MGST1: variants seen among roughly 807,000 people sequenced by gnomAD.
MGST1 encodes the protein glutathione S-transferase 12.
Under a neutral mutation model 8.9 loss-of-function variants are expected in MGST1, and 5 were observed. The observed-to-expected ratio is 0.56, with a 90% CI of 0.29 to 1.19. The LOEUF is 1.19. MGST1 is among the 50% of genes most tolerant of loss of function. The probability of loss-of-function intolerance (pLI) is 0.08; values close to 1 mark genes in which losing one functional copy is unlikely to be tolerated. For synonymous variants in MGST1, 54 were observed against 67.8 expected (o/e 0.80, Z 1.00); for missense variants, 182 against 187.4 (o/e 0.97, Z 0.17).
chr12:16,480,181 C>T (rs1941355476), intron 4 of MGST1, among the ~76,000 whole-genome samples: 1 of 140,070 alleles, frequency 7.1e-6, no homozygotes, highest in Non-Finnish European at 1.5e-5. Context: ...CTCACCCTAT[C>T]ACCCAGGCTG....
rs1360656354 is a variant in MGST1 at position 16,546,499 on chromosome 12, G to A, written n.483-43029G>A. On this transcript the variant is annotated intron_variant and non_coding_transcript_variant, in intron 4 of 4. Coordinates refer to the MGST1 transcript ENST00000538857. This position sits in a 1 kb window ranked among gnomAD's most constrained non-coding sequence, Gnocchi z 4.7. Reference sequence around the variant, plus strand: ...CAAACACAAAACCTAGTTGATCCAAGATGATTTGGTCTTTATAATTTTGTG... The same window carrying A: ...CAAACACAAAACCTAGTTGATCCAAAATGATTTGGTCTTTATAATTTTGTG... Among the ~76,000 whole-genome samples, 1 of 152,108 alleles carries A rather than the reference G, an allele frequency of 6.6e-6. No homozygotes were observed. Among genetic ancestry groups the A allele is most frequent in the Non-Finnish European group, 1.5e-5 (1 of 67,996 alleles).
chr12:16,560,850 T>C lies in MGST1; in HGVS notation n.483-28678T>C, dbSNP rs1042080345. ...TAGCAAAAATCTCTGGGTTAGAGTA[T>C]ATAGAAAATATAAAAGCAATATAAC... On this transcript the variant is annotated intron_variant and non_coding_transcript_variant, in intron 4 of 4. Coordinates refer to the MGST1 transcript ENST00000538857. The surrounding 1 kb of genome is among the most constrained non-coding windows in gnomAD (Gnocchi z 5.0). 2.7e-5 allele frequency: 9 copies of C among 335,766 alleles called. No homozygotes were observed. The highest frequency in any genetic ancestry group is 1.3e-4 in the African/African-American group (6 of 46,056). The allele number at this position is 335,766 out of a possible 1,614,324, so 20.8% of individuals were successfully genotyped here.
chr12:16,572,224 G>A (rs1046649590), intron 4 of MGST1, among the ~76,000 whole-genome samples: 20 of 151,448 alleles, frequency 1.3e-4, no homozygotes, highest in African/African-American at 4.6e-4. Context: ...GTACTTTTAC[G>A]TAGTAAAGCT....
At chr12:16,520,376 A>G (rs1055875105) in intron 4 of MGST1, among the ~76,000 whole-genome samples, 5 of 152,226 alleles carry the variant, frequency 3.3e-5, no homozygotes, top group African/African-American at 1.2e-4. Flanking sequence ...ATCGGGAAGG[A>G]AAGATTAGTA....
chr12:16,418,459 GA>G (rs1940804626), intron 1 of MGST1, among the ~76,000 whole-genome samples: 1 of 152,160 alleles, frequency 6.6e-6, no homozygotes. Flanking sequence ...TATATCAGCA[GA>G]AGATTTGGGT....
At chr12:16,507,168 A>C (rs1941543334) in intron 4 of MGST1, among the ~76,000 whole-genome samples, 1 of 152,176 alleles carries the variant, frequency 6.6e-6, no homozygotes, top group South Asian at 2.1e-4. Context: ...AGAGGTAAGG[A>C]CATTCTACAT....
rs1407168069 is a variant in MGST1, at chr12:16,362,808, A to T, written c.222-987A>T. The T allele has an allele frequency of 6.6e-6, 1 of 152,204 alleles. No individual in the cohort carries two copies. Among genetic ancestry groups the T allele is most frequent in the Non-Finnish European group, 1.5e-5 (1 of 68,130 alleles). The allele number at this position is 152,204 out of a possible 1,614,324, so 9.4% of individuals were successfully genotyped here. A position where few individuals can be genotyped will look rare whatever the true frequency, so the allele number is the denominator to read the frequency against. ...AAAAAGAAAATTTAAAAAATTAGCC[A>T]GGCATGGTGGTGAGGCCTGTAGTCC... On this transcript the variant is annotated intron_variant, in intron 3 of 3. Coordinates refer to ENST00000396210, the MANE Select transcript of MGST1 (RefSeq NM_020300.5). The surrounding 1 kb of genome is among the most constrained non-coding windows in gnomAD (Gnocchi z 4.4).
chr12:16,498,810 C>G (rs1397533818), intron 4 of MGST1, among the ~76,000 whole-genome samples: 1 of 152,120 alleles, frequency 6.6e-6, no homozygotes, highest in African/African-American at 2.4e-5. Context: ...AAGCCAAAAT[C>G]TCTAAAAACT....
At chr12:16,449,567 A>G (rs1021745925) in intron 4 of MGST1, among the ~76,000 whole-genome samples, 13 of 151,912 alleles carry the variant, frequency 8.6e-5, no homozygotes, top group African/African-American at 2.9e-4. Flanking sequence ...AGAAAAATCC[A>G]TGGCCATCTG....
Position 16,361,308 on chromosome 12 carries a change from A to G in MGST1, c.222-2487A>G, listed in dbSNP as rs1591701727. ...AGCAATGGCAGTCCAGGTCAGGTGGATGCTGGGATCCAAGTAATTCTGATC... is the reference window on the plus strand; with the variant it reads ...AGCAATGGCAGTCCAGGTCAGGTGGGTGCTGGGATCCAAGTAATTCTGATC... On this transcript the variant is annotated intron_variant, in intron 3 of 3. Transcript: ENST00000396210. The surrounding 1 kb of genome is among the most constrained non-coding windows in gnomAD (Gnocchi z 4.2). Among the ~76,000 whole-genome samples, 4 of 152,162 alleles carry G rather than the reference A, an allele frequency of 2.6e-5. No homozygotes were observed. In the East Asian group the frequency reaches 7.7e-4, roughly 29 times the overall value.
rs936178355 is a variant in MGST1 at position 16,584,555 on chromosome 12, G to A, written n.483-4973G>A. 1.3e-5 allele frequency among the ~76,000 whole-genome samples: 2 copies of A among 151,938 alleles called. No homozygotes were observed. Among genetic ancestry groups the A allele is most frequent in the African/African-American group, 4.8e-5 (2 of 41,276 alleles). On this transcript the variant is annotated intron_variant and non_coding_transcript_variant, in intron 4 of 4. Coordinates refer to the MGST1 transcript ENST00000538857. This position sits in a 1 kb window ranked among gnomAD's most constrained non-coding sequence, Gnocchi z 5.2. ...GAGGAAAGGAATGGAAACAAGAGAC[G>A]TTTTAGATTAACATTGGCAAGTGGA...
At chr12:16,564,078 T>G (rs947249070) in intron 4 of MGST1, among the ~76,000 whole-genome samples, 2 of 152,220 alleles carry the variant, frequency 1.3e-5, no homozygotes, top group African/African-American at 2.4e-5. Context: ...TATTAATATC[T>G]GTAGAAATCC....
At chr12:16,501,630 C>T (rs1241968954) in intron 4 of MGST1, among the ~76,000 whole-genome samples, 1 of 152,256 alleles carries the variant, frequency 6.6e-6, no homozygotes, top group Admixed American at 6.5e-5. Flanking sequence ...TAGGAAATTT[C>T]ATTTGATGTG....
downstream of MGST1, among the ~76,000 whole-genome samples, chr12:16,379,313 A>C (rs1940427091): frequency 6.6e-6 from 1 of 152,130 alleles, no homozygotes; most frequent in Admixed American, 6.5e-5. Context: ...TTATTTTGAG[A>C]TACATCCCAT....
chr12:16,448,407 A>T (rs2137110311), intron 4 of MGST1, among the ~76,000 whole-genome samples: 1 of 151,896 alleles, frequency 6.6e-6, no homozygotes, highest in African/African-American at 2.4e-5. Context: ...GATAGGGTTA[A>T]TTCAGTCATC....
intron 4 of MGST1, among the ~76,000 whole-genome samples, chr12:16,461,076 AAAC>A (rs1418203810): frequency 3.3e-5 from 5 of 152,028 alleles, no homozygotes; most frequent in Non-Finnish European, 7.4e-5. Context: ...AAAGTAATAG[AAAC>A]AACAACAAAG....
chr12:16,460,421 A>G (rs1481167655), intron 4 of MGST1, among the ~76,000 whole-genome samples: 2 of 152,090 alleles, frequency 1.3e-5, no homozygotes, highest in South Asian at 2.1e-4. Context: ...AAACATAGAT[A>G]GGTCTCTACA....
intron 4 of MGST1, among the ~76,000 whole-genome samples, chr12:16,453,687 C>T (rs1941147813): frequency 6.6e-6 from 1 of 151,894 alleles, no homozygotes; most frequent in Admixed American, 6.6e-5. Context: ...AGTGTCTGTT[C>T]CATGCCTATC....
At chr12:16,356,396 A>G (rs1316945748) in intron 2 of MGST1, among the ~76,000 whole-genome samples, 1 of 152,156 alleles carries the variant, frequency 6.6e-6, no homozygotes, top group Non-Finnish European at 1.5e-5. Flanking sequence ...CAAGACAGAC[A>G]GGCCTGACCT....
Sources: gnomAD v4.1 joint callset for allele counts (sites outside exome capture counted in the v4.1 genomes callset) on GRCh38, gnomAD v4.1.1 for gene constraint, Gnocchi (gnomAD v3.1) non-coding constraint, MANE v1.5 for transcripts, NCBI Gene and HGNC (gene_info 2026-07-23, HGNC 2026-07-21) for gene names.